Variants in CORO2A observed in about 807,000 individuals in gnomAD.
The protein encoded by CORO2A is coronin-2A.
CORO2A carries 47 observed loss-of-function variants against 62.4 expected under a neutral mutation model. That is an observed-to-expected ratio of 0.75 (90% CI 0.60 to 0.96). CORO2A has a LOEUF of 0.96. CORO2A is among the 40% of genes least tolerant of loss of function. CORO2A has a pLI of 0.00. For synonymous variants in CORO2A, 273 were observed against 268.9 expected, an observed-to-expected ratio of 1.02 and a Z score of -0.15; for missense variants, 610 against 684.1, an observed-to-expected ratio of 0.89 and a Z score of 1.21.
intron 5 of CORO2A, 110 bp downstream of exon 5, chr9:98,132,928 C>T (rs1009615274): frequency 3.4e-5 from 42 of 1,253,260 alleles, no homozygotes; most frequent in Non-Finnish European, 3.3e-5. Flanking sequence ...CCTGTGAAGG[C>T]GCAGCCCAGA....
At chr9:98,143,001 A>T (rs1431959159) in intron 2 of CORO2A, among the ~76,000 whole-genome samples, 1 of 152,216 alleles carries the variant, frequency 6.6e-6, no homozygotes, top group Non-Finnish European at 1.5e-5. Context: ...CCTGTCAGGG[A>T]CATTTATCAT....
At chr9:98,164,967 G>A (rs894249525) in intron 1 of CORO2A, among the ~76,000 whole-genome samples, 3 of 151,558 alleles carry the variant, frequency 2.0e-5, no homozygotes, top group African/African-American at 7.3e-5. Context: ...GGGTCTAGGT[G>A]TAACAATTCT....
intron 1 of CORO2A, among the ~76,000 whole-genome samples, chr9:98,165,887 G>A (rs1006941505): frequency 6.6e-6 from 1 of 152,140 alleles, no homozygotes; most frequent in African/African-American, 2.4e-5. Context: ...CTGGGGGTGG[G>A]GCTCACCACT....
In CORO2A at chr9:98,128,684, A is replaced by C. The variant is rs1386638671; in HGVS notation, c.1003T>G (p.Cys335Gly). 5 of 1,614,054 alleles carry C rather than the reference A, an allele frequency of 3.1e-6. No individual in the cohort carries two copies. Among genetic ancestry groups the C allele is most frequent in the Admixed American group, 1.7e-5 (1 of 60,008 alleles). ...MPKRGLDVSS[C>G]EIFRFYKLIT... ...AGCTTGTAGAAGCGGAAGATCTCGCAGGAGGACACGTCGAGTCCTCTCTTT... is the reference window on the plus strand; with the variant it reads ...AGCTTGTAGAAGCGGAAGATCTCGCCGGAGGACACGTCGAGTCCTCTCTTT... The change falls in exon 9 of 12, where the codon TGC becomes GGC. Residue 335 changes from cysteine (C) to glycine (G), a missense_variant. Transcript: ENST00000375077.
chr9:98,165,113 T>C lies in CORO2A; in HGVS notation c.1-7453A>G, dbSNP rs182119936. 3.6e-3 allele frequency among the ~76,000 whole-genome samples: 553 copies of C among 152,204 alleles called. 5 individuals carry two copies. The highest frequency in any genetic ancestry group is 6.8e-3 in the Middle Eastern group (2 of 294). ...CCTCCTGCATAGCTAAGAACAAGCA[T>C]GTACCACCGTGCTTGGCTAATTTTT... On this transcript the variant is annotated intron_variant, in intron 1 of 11. Transcript: ENST00000375077.
At chr9:98,183,897 T>C (rs1386679554) in intron 1 of CORO2A, among the ~76,000 whole-genome samples, 2 of 152,064 alleles carry the variant, frequency 1.3e-5, no homozygotes, top group Non-Finnish European at 2.9e-5. Context: ...GGAGGCGGAG[T>C]TTGCAGTGAG....
chr9:98,174,444 A>C (rs1420030928), intron 1 of CORO2A, among the ~76,000 whole-genome samples: 1 of 152,234 alleles, frequency 6.6e-6, no homozygotes, highest in Non-Finnish European at 1.5e-5. Context: ...ACACATGTAA[A>C]CAAAAACATT....
chr9:98,180,792 G>A (rs75264515), intron 1 of CORO2A, among the ~76,000 whole-genome samples: 154 of 152,110 alleles, frequency 1.0e-3, no homozygotes, highest in Middle Eastern at 3.4e-3. Flanking sequence ...GTTCAGGCTC[G>A]AGTAGAGGGC....
chr9:98,127,043 T>C (rs1827331805), intron 10 of CORO2A: 2 of 602,108 alleles, frequency 3.3e-6, no homozygotes, highest in Non-Finnish European at 3.0e-6. Flanking sequence ...AAGCTTGGTT[T>C]GTAGGAACAG....
intron 6 of CORO2A, 121 bp downstream of exon 6, chr9:98,132,064 A>G (rs1173387334): frequency 1.2e-6 from 1 of 810,314 alleles, no homozygotes; most frequent in African/African-American, 1.7e-5. Context: ...GATCCCCAGC[A>G]CCTGGCAGTC....
intron 2 of CORO2A, among the ~76,000 whole-genome samples, chr9:98,145,148 G>T (rs1163232645): frequency 6.6e-6 from 1 of 152,186 alleles, no homozygotes; most frequent in Non-Finnish European, 1.5e-5. Flanking sequence ...AACATCCAGG[G>T]ATGAAAGCGG....
intron 1 of CORO2A, among the ~76,000 whole-genome samples, chr9:98,174,420 T>C (rs1215261819): frequency 6.6e-6 from 1 of 152,224 alleles, no homozygotes; most frequent in Non-Finnish European, 1.5e-5. Context: ...AGTCTGAACA[T>C]AAGCTCTTCA....
intron 2 of CORO2A, among the ~76,000 whole-genome samples, chr9:98,140,682 CA>C (rs1369386997): frequency 3.3e-5 from 5 of 152,082 alleles, no homozygotes; most frequent in Non-Finnish European, 7.4e-5. Flanking sequence ...TGGGCTCAAA[CA>C]ATCTTCCCAA....
chr9:98,156,627 T>A (rs1322358024), intron 2 of CORO2A, among the ~76,000 whole-genome samples: 1 of 152,272 alleles, frequency 6.6e-6, no homozygotes, highest in Admixed American at 6.5e-5. Flanking sequence ...TCAGGAAACC[T>A]GGTCTATGAG....
chr9:98,186,685 G>A (rs755508095), intron 1 of CORO2A, among the ~76,000 whole-genome samples: 27 of 152,016 alleles, frequency 1.8e-4, no homozygotes, highest in Non-Finnish European at 3.1e-4. Flanking sequence ...ATTTTAAAAC[G>A]GGAGAAATAA....
chr9:98,157,707 T>C, intron 1 of CORO2A, 47 bp from the exon 2 acceptor site: 1 of 1,530,574 alleles, frequency 6.5e-7, no homozygotes, highest in Non-Finnish European at 9.0e-7. Flanking sequence ...ACTGCCCTGA[T>C]CATGGGACAC....
chr9:98,171,962 G>A (rs959840398), intron 1 of CORO2A, among the ~76,000 whole-genome samples: 11 of 152,224 alleles, frequency 7.2e-5, no homozygotes, highest in African/African-American at 2.6e-4. Context: ...CCTGGGAAAC[G>A]ATTTCTTTCC....
intron 1 of CORO2A, among the ~76,000 whole-genome samples, chr9:98,171,113 C>A (rs1031670275): frequency 2.2e-4 from 34 of 152,230 alleles, no homozygotes; most frequent in African/African-American, 7.5e-4. Context: ...TTTTCCAAGA[C>A]ACCTCCAGGA....
At position 98,124,658 on chromosome 9, in the gene CORO2A, T is replaced by G; in HGVS notation, c.*116A>C. Reference sequence around the variant, plus strand: ...TCTTTCAGCGATGGAGAGTTTTGTTTTCTGGTAAAAAATATAGAAATAGTG... The same window carrying G: ...TCTTTCAGCGATGGAGAGTTTTGTTGTCTGGTAAAAAATATAGAAATAGTG... On this transcript the variant is annotated 3_prime_UTR_variant, in exon 12 of 12. Transcript: ENST00000375077. 1 of 1,119,242 alleles carries G rather than the reference T, an allele frequency of 8.9e-7. No individual in the cohort carries two copies. Among genetic ancestry groups the G allele is most frequent in the Non-Finnish European group, 1.2e-6 (1 of 844,776 alleles). 69.3% of individuals were successfully genotyped at this position (1,119,242 alleles called of 1,614,324 possible).
Sources: gnomAD v4.1 joint callset for allele counts (sites outside exome capture counted in the v4.1 genomes callset) on GRCh38, gnomAD v4.1.1 for gene constraint, MANE v1.5 for transcripts, NCBI Gene and HGNC (gene_info 2026-07-23, HGNC 2026-07-21) for gene names.